ULK4: variants seen among roughly 807,000 people sequenced by gnomAD.
ULK4 encodes unc-51 like kinase 4, also known as inactive serine/threonine-protein kinase ULK4.
In ULK4, 133 loss-of-function variants were observed where a neutral mutation model predicts 160.6. The ratio of observed to expected loss-of-function variants is 0.83; its 90% CI spans 0.72 to 0.96. The LOEUF is 0.96. Among genes scored for constraint, ULK4 ranks in the 40% least tolerant of loss-of-function variants. The probability of loss-of-function intolerance (pLI) is 0.00; values close to 1 mark genes in which losing one functional copy is unlikely to be tolerated. For missense variants in ULK4, 1,580 were observed against 1,499.5 expected, an observed-to-expected ratio of 1.05 and a Z score of -0.89; for synonymous variants, 534 against 539.8, an observed-to-expected ratio of 0.99 and a Z score of 0.15.
intron 34 of ULK4, among the ~76,000 whole-genome samples, chr3:41,429,116 C>A (rs13062833): frequency 0.12 from 17,463 of 151,448 alleles, 1,172 homozygotes; most frequent in Admixed American, 0.16. Flanking sequence ...TCTCAAAAGA[C>A]GACATATATG....
At chr3:41,694,153 C>G (rs1192185269) in intron 27 of ULK4, among the ~76,000 whole-genome samples, 1 of 152,180 alleles carries the variant, frequency 6.6e-6, no homozygotes, top group African/African-American at 2.4e-5. Context: ...CACAAAGGGA[C>G]ACACAAATAC....
At chr3:41,583,051 G>A (rs1278563898) in intron 31 of ULK4, among the ~76,000 whole-genome samples, 1 of 152,170 alleles carries the variant, frequency 6.6e-6, no homozygotes, top group East Asian at 1.9e-4. Context: ...AATTCTGAAT[G>A]TGAGACACTG....
chr3:41,714,353 CT>C (rs1559503134), intron 25 of ULK4, among the ~76,000 whole-genome samples: 2 of 152,168 alleles, frequency 1.3e-5, no homozygotes, highest in African/African-American at 4.8e-5. Context: ...CATATCCTCA[CT>C]TGTTGTGGCA....
At chr3:41,913,783 CA>C (rs1023662619) in intron 8 of ULK4, among the ~76,000 whole-genome samples, 5 of 151,954 alleles carry the variant, frequency 3.3e-5, no homozygotes, top group African/African-American at 1.2e-4. Context: ...GACAATGTGG[CA>C]AAACCCCATC....
chr3:41,736,412 C>A (rs1355649483), intron 22 of ULK4, among the ~76,000 whole-genome samples: 1 of 151,770 alleles, frequency 6.6e-6, no homozygotes. Context: ...TATCTCACTG[C>A]GGTTTTGATT....
intron 34 of ULK4, among the ~76,000 whole-genome samples, chr3:41,438,575 C>G (rs1030856715): frequency 6.6e-6 from 1 of 151,972 alleles, no homozygotes; most frequent in African/African-American, 2.4e-5. Context: ...AAGTAGCTAC[C>G]AAGAAATAGG....
intron 16 of ULK4, among the ~76,000 whole-genome samples, chr3:41,889,381 T>G (rs749553654): frequency 6.6e-6 from 1 of 152,118 alleles, no homozygotes; most frequent in Admixed American, 6.6e-5. Context: ...AATATGATTG[T>G]TGAAATTAAA....
At chr3:41,720,230 G>A (rs909735582) in intron 22 of ULK4, among the ~76,000 whole-genome samples, 7 of 152,076 alleles carry the variant, frequency 4.6e-5, no homozygotes, top group Non-Finnish European at 7.4e-5. Context: ...CCACTTCTGC[G>A]CACAGTTCTT....
chr3:41,483,336 A>AC (rs2084393757), intron 32 of ULK4, among the ~76,000 whole-genome samples: 1 of 152,048 alleles, frequency 6.6e-6, no homozygotes, highest in Non-Finnish European at 1.5e-5. Flanking sequence ...CTGCTTCAAG[A>AC]TTTTTTTAGT....
chr3:41,451,427 C>CA (rs2083422775), intron 34 of ULK4, among the ~76,000 whole-genome samples: 1 of 151,556 alleles, frequency 6.6e-6, no homozygotes. Flanking sequence ...TCATAGCAAG[C>CA]AGAGGATAAG....
At chr3:41,306,488 C>G (rs2079939342) in intron 35 of ULK4, among the ~76,000 whole-genome samples, 1 of 144,704 alleles carries the variant, frequency 6.9e-6, no homozygotes, top group South Asian at 2.2e-4. Context: ...GGGTCAGCCC[C>G]CCGCCCGGCC....
chr3:41,442,839 C>T (rs969360169), intron 34 of ULK4, among the ~76,000 whole-genome samples: 4 of 152,104 alleles, frequency 2.6e-5, no homozygotes, highest in Admixed American at 6.6e-5. Flanking sequence ...TACTCTGTAA[C>T]GTGAAACATT....
At chr3:41,255,413 G>C (rs992031461) in intron 35 of ULK4, among the ~76,000 whole-genome samples, 40 of 152,182 alleles carry the variant, frequency 2.6e-4, no homozygotes, top group African/African-American at 9.4e-4. Context: ...AACCCGGGAG[G>C]CGGAGGTTGC....
chr3:41,566,001 A>C, intron 32 of ULK4, 24 bp downstream of exon 32: 1 of 1,586,026 alleles, frequency 6.3e-7, no homozygotes, highest in Non-Finnish European at 8.7e-7. Flanking sequence ...ACTTGATCAG[A>C]GAGTAATTCT....
intron 30 of ULK4, among the ~76,000 whole-genome samples, chr3:41,644,871 T>G (rs1385505752): frequency 6.6e-6 from 1 of 152,164 alleles, no homozygotes. Flanking sequence ...CAATTTCAGA[T>G]ACTGTTACTG....
chr3:41,898,527 A>G, intron 13 of ULK4, 35 bp from the exon 14 acceptor site: 1 of 1,321,172 alleles, frequency 7.6e-7, no homozygotes, highest in South Asian at 1.3e-5. Context: ...TTTTGAGACA[A>G]TTTTTAAGAT....
chr3:41,769,862 C>CAA (rs2039295086), intron 21 of ULK4, among the ~76,000 whole-genome samples: 1 of 152,098 alleles, frequency 6.6e-6, no homozygotes, highest in Non-Finnish European at 1.5e-5. Flanking sequence ...TGATCTGCTT[C>CAA]AATGGTCAAA....
Position 41,517,016 on chromosome 3 carries a change from AG to A in ULK4, c.3226+49008del, listed in dbSNP as rs2085772743. Among the ~76,000 whole-genome samples the A allele has an allele frequency of 3.3e-5, 5 of 152,228 alleles. No individual in the cohort carries two copies. In the South Asian group the frequency reaches 1.0e-3, roughly 32 times the overall value. On this transcript the variant is annotated intron_variant, in intron 32 of 36. Coordinates refer to ENST00000301831, the MANE Select transcript of ULK4 (RefSeq NM_017886.4). ...TCCAAAGTATACAAAGAATCCTTAA[AG>A]CTCAAAAATAAGAAAACAAACCATT...
At chr3:41,482,797 C>A (rs1034996718) in intron 32 of ULK4, among the ~76,000 whole-genome samples, 2 of 152,046 alleles carry the variant, frequency 1.3e-5, no homozygotes, top group Non-Finnish European at 2.9e-5. Context: ...CTTTCAATTC[C>A]TTTTTTAAAA....
Sources: allele counts gnomAD v4.1 joint callset (sites outside exome capture counted in the v4.1 genomes callset), GRCh38; gene constraint gnomAD v4.1.1; transcripts MANE v1.5; gene names NCBI Gene and HGNC (gene_info 2026-07-23, HGNC 2026-07-21).